Variants in MRPS6 observed in about 807,000 individuals in gnomAD.
The protein encoded by MRPS6 is mitochondrial ribosomal protein S6.
In MRPS6, 6 loss-of-function variants were observed where a neutral mutation model predicts 13.1. That is an observed-to-expected ratio of 0.46 (90% CI 0.25 to 0.91). The LOEUF is 0.91. MRPS6 is among the 40% of genes least tolerant of loss of function. The probability of loss-of-function intolerance (pLI) is 0.18; values close to 1 mark genes in which losing one functional copy is unlikely to be tolerated. For missense variants in MRPS6, 164 were observed against 155.6 expected (o/e 1.05, Z -0.29); for synonymous variants, 61 against 56.5 (o/e 1.08, Z -0.36).
chr21:34,131,224 C>T (rs1208662214), intron 2 of MRPS6, among the ~76,000 whole-genome samples: 2 of 152,188 alleles, frequency 1.3e-5, no homozygotes, highest in African/African-American at 2.4e-5. Flanking sequence ...CAAATCCAGA[C>T]GTTTGTGCCT....
intron 1 of MRPS6, among the ~76,000 whole-genome samples, chr21:34,083,576 G>C (rs1989506003): frequency 6.6e-6 from 1 of 152,186 alleles, no homozygotes. Context: ...CCAGTCATGG[G>C]TTGTTTTGAT....
rs1009368148 is a variant in MRPS6 at position 34,105,192 on chromosome 21, A to G, written c.46-20149A>G. On this transcript the variant is annotated intron_variant, in intron 1 of 2. Transcript: ENST00000399312. ...CTGCTTCAGTTTATAGATTGCCAGCAGAGTTCAGAAATAGAGCAGGGATTT... is the reference window on the plus strand; with the variant it reads ...CTGCTTCAGTTTATAGATTGCCAGCGGAGTTCAGAAATAGAGCAGGGATTT... The G allele has an allele frequency of 6.0e-6, 6 of 1,000,168 alleles. No individual in the cohort carries two copies. The African/African-American group carries it at 1.0e-4, about 17-fold the overall frequency. 62.0% of individuals were successfully genotyped at this position (1,000,168 alleles called of 1,614,324 possible).
chr21:34,074,452 C>A (rs992614759), intron 1 of MRPS6, among the ~76,000 whole-genome samples: 1 of 152,240 alleles, frequency 6.6e-6, no homozygotes, highest in African/African-American at 2.4e-5. Flanking sequence ...ACACTTTCTT[C>A]CCCCTGCTTT....
intron 1 of MRPS6, among the ~76,000 whole-genome samples, chr21:34,118,725 G>A (rs183351933): frequency 2.6e-5 from 4 of 152,118 alleles, no homozygotes; most frequent in African/African-American, 9.6e-5. Flanking sequence ...ATGTTGGCCA[G>A]GCTGGTCTCA....
chr21:34,103,096 G>A (rs1979320152), intron 1 of MRPS6: 3 of 999,932 alleles, frequency 3.0e-6, no homozygotes, highest in Non-Finnish European at 3.6e-6. Context: ...TGTTATAATT[G>A]GAAACAGAAA....
chr21:34,126,292 T>C (rs1282610190), intron 2 of MRPS6, among the ~76,000 whole-genome samples: 6 of 152,198 alleles, frequency 3.9e-5, no homozygotes, highest in African/African-American at 1.4e-4. Flanking sequence ...TCTGCAGATG[T>C]GCTCTGCGAC....
intron 2 of MRPS6, among the ~76,000 whole-genome samples, chr21:34,131,396 A>G (rs1276098581): frequency 6.6e-6 from 1 of 152,204 alleles, no homozygotes; most frequent in Non-Finnish European, 1.5e-5. Flanking sequence ...AAGTTGGGGC[A>G]GAGGGCTCTA....
At position 34,125,322 on chromosome 21, in the gene MRPS6, A is replaced by G; in HGVS notation, c.46-19A>G. 6.2e-7 allele frequency: 1 copy of G among 1,602,036 alleles called. No homozygotes were observed. The highest frequency in any genetic ancestry group is 8.5e-7 in the Non-Finnish European group (1 of 1,176,622). On this transcript the variant is annotated intron_variant, in intron 1 of 2. Coordinates refer to ENST00000399312, the MANE Select transcript of MRPS6 (RefSeq NM_032476.4). ...CTGATGCTTTTTTTTCTTTTCTTTAAAAACACAAACAAAAACAGCCAGAGA... is the reference window on the plus strand; with the variant it reads ...CTGATGCTTTTTTTTCTTTTCTTTAGAAACACAAACAAAAACAGCCAGAGA...
intron 2 of MRPS6, among the ~76,000 whole-genome samples, chr21:34,131,573 A>G (rs1161914500): frequency 1.3e-5 from 2 of 152,120 alleles, no homozygotes; most frequent in Non-Finnish European, 2.9e-5. Flanking sequence ...CCATTTTTGT[A>G]GGTCTCTTGT....
intron 2 of MRPS6, chr21:34,135,986 A>G (rs1383136673): frequency 8.9e-6 from 3 of 335,738 alleles, no homozygotes; most frequent in African/African-American, 2.2e-5. Context: ...TTTGTGCTGC[A>G]TCATTGATCT....
chr21:34,107,829 A>G (rs1007823466), intron 1 of MRPS6, among the ~76,000 whole-genome samples: 1 of 152,048 alleles, frequency 6.6e-6, no homozygotes, highest in African/African-American at 2.4e-5. Flanking sequence ...AGTGCTTTGC[A>G]TTTTCCAGCA....
intron 1 of MRPS6, among the ~76,000 whole-genome samples, chr21:34,077,013 T>C (rs1171961731): frequency 6.6e-6 from 1 of 152,108 alleles, no homozygotes; most frequent in African/African-American, 2.4e-5. Context: ...GAAAAAGAAA[T>C]GGATTGCCTG....
At chr21:34,088,519 T>C (rs1978513367) in intron 1 of MRPS6, among the ~76,000 whole-genome samples, 1 of 152,270 alleles carries the variant, frequency 6.6e-6, no homozygotes, top group Non-Finnish European at 1.5e-5. Flanking sequence ...TGTTAACAGT[T>C]GTTACATATC....
At chr21:34,128,422 G>GTAGGTAAGGGAGAGCCTGTTGCTT (rs1980385029) in intron 2 of MRPS6, among the ~76,000 whole-genome samples, 1 of 152,168 alleles carries the variant, frequency 6.6e-6, no homozygotes, top group Non-Finnish European at 1.5e-5. Flanking sequence ...GAAGAAAAGA[G>GTAGGTAAGGGAGAGCCTGTTGCTT]TAGGTAAGGG....
At chr21:34,105,318 T>C in intron 1 of MRPS6, 1 of 1,000,014 alleles carries the variant, frequency 1.0e-6, no homozygotes. Context: ...TTTTTTCTTT[T>C]TGATAAGATG....
intron 2 of MRPS6, among the ~76,000 whole-genome samples, chr21:34,128,931 C>G (rs1356468775): frequency 6.6e-6 from 1 of 152,154 alleles, no homozygotes; most frequent in Non-Finnish European, 1.5e-5. Context: ...TGACCTGGAG[C>G]TGGGTGGCTC....
chr21:34,092,761 A>G (rs1483828129), intron 1 of MRPS6, among the ~76,000 whole-genome samples: 1 of 151,880 alleles, frequency 6.6e-6, no homozygotes, highest in Non-Finnish European at 1.5e-5. Context: ...AACCCACCCT[A>G]TTTCCCCCCC....
rs1346860788 is a variant in MRPS6 at position 34,142,468 on chromosome 21, G to T, written c.246G>T (p.Leu82Phe). The T allele has an allele frequency of 1.2e-6, 2 of 1,610,460 alleles. No individual in the cohort carries two copies. The highest frequency in any genetic ancestry group is 2.2e-5 in the South Asian group (2 of 89,876). ...TAAVESMVEHLSRDIDVIRGN... is the reference protein window; with the variant it reads ...TAAVESMVEHFSRDIDVIRGN... ...CTGTTGAAAGCATGGTGGAGCACTT[G>T]TCTCGAGATATAGATGTGATTAGAG... The change falls in exon 3 of 3, where the codon TTG (leucine) becomes TTT (phenylalanine). Residue 82 changes from leucine (L) to phenylalanine (F), a missense_variant. By Grantham distance (22) the Leu-to-Phe change is conservative. Transcript: ENST00000399312.
chr21:34,143,022 T>C lies in MRPS6; in HGVS notation c.*422T>C, dbSNP rs1980956949. On this transcript the variant is annotated 3_prime_UTR_variant, in exon 3 of 3. Transcript: ENST00000399312. ...CTTTTGCTTTGAGTAATAAACTTGA[T>C]TGTAGGAATGTGGGAGGTGTTTTGT... 1 of 155,866 alleles carries C rather than the reference T, an allele frequency of 6.4e-6. No individual in the cohort carries two copies. Among genetic ancestry groups the C allele is most frequent in the Non-Finnish European group, 1.4e-5 (1 of 70,698 alleles). 9.7% of individuals were successfully genotyped at this position (155,866 alleles called of 1,614,324 possible).
Sources: gnomAD v4.1 joint callset for allele counts (sites outside exome capture counted in the v4.1 genomes callset) on GRCh38, gnomAD v4.1.1 for gene constraint, MANE v1.5 for transcripts, NCBI Gene and HGNC (gene_info 2026-07-23, HGNC 2026-07-21) for gene names.